Variants in DPYD observed in about 807,000 individuals in gnomAD.
The protein encoded by DPYD is dihydropyrimidine dehydrogenase [NADP(+)].
A neutral mutation model predicts 116.2 loss-of-function variants in DPYD; 109 were observed. The observed-to-expected ratio is 0.94, with a 90% CI of 0.80 to 1.10. DPYD has a LOEUF of 1.10. Among genes scored for constraint, DPYD ranks in the 50% least tolerant of loss-of-function variants. The pLI, the probability that DPYD is intolerant of heterozygous loss-of-function variation, is 0.00. For synonymous variants in DPYD, 440 were observed against 432.0 expected (o/e 1.02, Z -0.23); for missense variants, 1,302 against 1,254.5 (o/e 1.04, Z -0.57).
chr1:97,219,142 T>C (rs72967837), intron 19 of DPYD, among the ~76,000 whole-genome samples: 79 of 152,202 alleles, frequency 5.2e-4, no homozygotes, highest in African/African-American at 1.9e-3. Flanking sequence ...GAAAATGTAA[T>C]GAAGAAAAGT....
intron 12 of DPYD, among the ~76,000 whole-genome samples, chr1:97,522,694 G>T (rs962471644): frequency 1.3e-5 from 2 of 149,422 alleles, no homozygotes; most frequent in African/African-American, 5.0e-5. Flanking sequence ...TCTCCAGCCT[G>T]GGCAACAAGT....
At chr1:97,462,058 T>C (rs1050551715) in intron 13 of DPYD, among the ~76,000 whole-genome samples, 2 of 152,250 alleles carry the variant, frequency 1.3e-5, no homozygotes, top group African/African-American at 2.4e-5. Context: ...GTGATCCATA[T>C]GGCCCTCACA....
At position 97,273,107 on chromosome 1, in the gene DPYD, C is replaced by T. The variant is rs574798909; in HGVS notation, c.2299+32152G>A. Among the ~76,000 whole-genome samples the T allele has an allele frequency of 9.2e-5, 14 of 152,068 alleles. No homozygotes were observed. In the South Asian group the frequency reaches 2.7e-3, roughly 29 times the overall value. On this transcript the variant is annotated intron_variant, in intron 18 of 22. Coordinates refer to ENST00000370192, the MANE Select transcript of DPYD (RefSeq NM_000110.4). The stretch of plus-strand genomic sequence containing the variant: ...GTGGGATGTTTCCTTTCATTAAATG[C>T]CAAATAGTTATTTCAAACAACTTGT...
intron 8 of DPYD, among the ~76,000 whole-genome samples, chr1:97,624,570 A>G (rs1656815038): frequency 6.6e-6 from 1 of 151,908 alleles, no homozygotes; most frequent in Non-Finnish European, 1.5e-5. Context: ...TCCTCGAAAA[A>G]CTGGAAATAC....
At chr1:97,539,816 ATT>A (rs1458203244) in intron 12 of DPYD, among the ~76,000 whole-genome samples, 1 of 152,190 alleles carries the variant, frequency 6.6e-6, no homozygotes, top group Non-Finnish European at 1.5e-5. Context: ...ATTTAGAATA[ATT>A]TAGTTTGTGT....
intron 3 of DPYD, among the ~76,000 whole-genome samples, chr1:97,758,923 C>T (rs1304932281): frequency 2.6e-5 from 4 of 152,264 alleles, no homozygotes; most frequent in Non-Finnish European, 5.9e-5. Context: ...CAGGGCTTGG[C>T]TAAGCCACTT....
intron 16 of DPYD, among the ~76,000 whole-genome samples, chr1:97,329,838 CAG>C (rs1668899291): frequency 6.8e-6 from 1 of 147,050 alleles, no homozygotes; most frequent in Non-Finnish European, 1.5e-5. Flanking sequence ...TGTTTGAACA[CAG>C]ATTCACAAAA....
chr1:97,766,406 C>T (rs1283663657), intron 3 of DPYD, among the ~76,000 whole-genome samples: 1 of 151,994 alleles, frequency 6.6e-6, no homozygotes, highest in Non-Finnish European at 1.5e-5. Flanking sequence ...AGAATCAAAA[C>T]AGCACTCACC....
chr1:97,417,276 C>A (rs1674335929), intron 14 of DPYD, among the ~76,000 whole-genome samples: 1 of 152,026 alleles, frequency 6.6e-6, no homozygotes, highest in African/African-American at 2.4e-5. Context: ...GTTTTTAAAG[C>A]ATTTCTATTT....
intron 3 of DPYD, among the ~76,000 whole-genome samples, chr1:97,773,743 T>C (rs1235926229): frequency 1.3e-5 from 2 of 152,182 alleles, no homozygotes; most frequent in South Asian, 2.1e-4. Context: ...GCCCAGCCAC[T>C]GAGCTGCCCA....
Position 97,381,421 on chromosome 1 carries a change from T to C in DPYD, c.1974+972A>G, listed in dbSNP as rs904101290. 3.3e-5 allele frequency among the ~76,000 whole-genome samples: 5 copies of C among 152,152 alleles called. No homozygotes were observed. The East Asian group carries it at 9.6e-4, about 29-fold the overall frequency. On this transcript the variant is annotated intron_variant, in intron 15 of 22. Coordinates refer to ENST00000370192, the MANE Select transcript of DPYD (RefSeq NM_000110.4). ...GCCATTCATCATAGTCAGCTTAAAA[T>C]TGGCAAAGCTCATGCCAAGCATGGG... is the stretch of plus-strand genomic sequence containing the variant.
chr1:97,897,923 C>A (rs946336355), intron 1 of DPYD, among the ~76,000 whole-genome samples: 12 of 151,772 alleles, frequency 7.9e-5, no homozygotes, highest in African/African-American at 2.7e-4. Context: ...GTGAATTTTA[C>A]CATATTGGGT....
rs1225099639 is a variant in DPYD, at chr1:97,225,234, T to C, written c.2442+9618A>G. Among the ~76,000 whole-genome samples, 2 of 152,074 alleles carry C rather than the reference T, an allele frequency of 1.3e-5. 1 individual carries two copies. The highest frequency in any genetic ancestry group is 4.8e-5 in the African/African-American group (2 of 41,442). The stretch of plus-strand genomic sequence containing the variant: ...CCCCAACAATGAACAAAAGTTGCCC[T>C]TTCTTTACACCCTCATCAACATTTG... On this transcript the variant is annotated intron_variant, in intron 19 of 22. Transcript: ENST00000370192.
At chr1:97,876,819 C>T (rs140649203) in intron 2 of DPYD, among the ~76,000 whole-genome samples, 1 of 152,100 alleles carries the variant, frequency 6.6e-6, no homozygotes, top group Non-Finnish European at 1.5e-5. Context: ...ATTGAAAGGA[C>T]TTCAGTGATT....
chr1:97,088,697 T>TA (rs1649693526), intron 21 of DPYD, among the ~76,000 whole-genome samples: 1 of 152,212 alleles, frequency 6.6e-6, no homozygotes, highest in African/African-American at 2.4e-5. Flanking sequence ...GCTTCTCCCC[T>TA]AGCCCTTCCA....
intron 8 of DPYD, among the ~76,000 whole-genome samples, chr1:97,615,630 G>A (rs1273300402): frequency 6.6e-6 from 1 of 151,890 alleles, no homozygotes; most frequent in Non-Finnish European, 1.5e-5. Context: ...TATCCTGGCT[G>A]ACAAAAAAAT....
In DPYD at chr1:97,425,887, CA is replaced by C. The variant is rs796912794; in HGVS notation, c.1905+24171del. Among the ~76,000 whole-genome samples, 358 of 145,022 alleles carry C rather than the reference CA, an allele frequency of 2.5e-3. 5 individuals are homozygous for C. Among genetic ancestry groups the C allele is most frequent in the African/African-American group, 6.4e-3 (252 of 39,506 alleles). ...ATTATACATTTCAGCTTCAGTTTAC[CA>C]AAAAAAAAGTCTGCATCTTAACTCT... is the stretch of plus-strand genomic sequence containing the variant. On this transcript the variant is annotated intron_variant, in intron 14 of 22. Coordinates refer to ENST00000370192, the MANE Select transcript of DPYD (RefSeq NM_000110.4).
Position 97,240,776 on chromosome 1 carries a change from T to C in DPYD, c.2300-5782A>G, listed in dbSNP as rs563043426. ...TTAGGAGGTGAGAGATTGATTTTTA[T>C]AACCTACATATAAATGAACCACCAA... On this transcript the variant is annotated intron_variant, in intron 18 of 22. Transcript: ENST00000370192. 3.3e-5 allele frequency among the ~76,000 whole-genome samples: 5 copies of C among 151,784 alleles called. No homozygotes were observed. The South Asian group carries it at 1.0e-3, about 32-fold the overall frequency.
chr1:97,287,211 G>T (rs1215438080), intron 18 of DPYD, among the ~76,000 whole-genome samples: 1 of 152,124 alleles, frequency 6.6e-6, no homozygotes, highest in African/African-American at 2.4e-5. Flanking sequence ...TGTTTGCCTG[G>T]GTATCAGCAG....
Sources: allele counts gnomAD v4.1 joint callset (sites outside exome capture counted in the v4.1 genomes callset), GRCh38; gene constraint gnomAD v4.1.1; transcripts MANE v1.5; gene names NCBI Gene and HGNC (gene_info 2026-07-23, HGNC 2026-07-21).